The following INPP4B variants were observed in gnomAD, a reference collection of about 807,000 sequenced individuals.
INPP4B encodes the protein inositol polyphosphate-4-phosphatase type II B.
A neutral mutation model predicts 122.5 loss-of-function variants in INPP4B; 55 were observed. That is an observed-to-expected ratio of 0.45 (90% confidence interval 0.36 to 0.56). INPP4B has a LOEUF of 0.56. Among genes scored for constraint, INPP4B ranks in the 20% least tolerant of loss-of-function variants. The pLI is 0.00. For missense variants in INPP4B, 1,000 were observed against 1,097.7 expected (o/e 0.91, Z 1.26); for synonymous variants, 403 against 388.7 (o/e 1.04, Z -0.43).
chr4:142,587,498 T>C (rs772179715), intron 2 of INPP4B, among the ~76,000 whole-genome samples: 34 of 152,280 alleles, frequency 2.2e-4, no homozygotes, highest in Non-Finnish European at 3.8e-4. Context: ...TTGTGAATGC[T>C]ACAAAACATT....
intron 25 of INPP4B, among the ~76,000 whole-genome samples, chr4:142,050,116 A>C (rs1036742781): frequency 1.3e-5 from 2 of 151,990 alleles, no homozygotes; most frequent in Non-Finnish European, 2.9e-5. Flanking sequence ...TGGCTCAAAT[A>C]GTTTTATTTT....
intron 1 of INPP4B, among the ~76,000 whole-genome samples, chr4:142,841,245 A>T (rs1296946774): frequency 6.6e-6 from 1 of 151,986 alleles, no homozygotes; most frequent in African/African-American, 2.4e-5. Flanking sequence ...ATCTCCATGC[A>T]CCTATAGGTT....
At chr4:142,225,246 T>G (rs2149759683) in intron 12 of INPP4B, among the ~76,000 whole-genome samples, 1 of 152,250 alleles carries the variant, frequency 6.6e-6, no homozygotes, top group South Asian at 2.1e-4. Context: ...TCAATTTCTT[T>G]GGCTTTTGAC....
intron 12 of INPP4B, among the ~76,000 whole-genome samples, chr4:142,211,405 T>G (rs1382308775): frequency 6.6e-6 from 1 of 152,156 alleles, no homozygotes; most frequent in East Asian, 1.9e-4. Flanking sequence ...ACATTTTCAT[T>G]TGTCACTCAA....
chr4:142,067,365 ATGGG>A (rs1764119011), intron 25 of INPP4B, among the ~76,000 whole-genome samples: 1 of 152,188 alleles, frequency 6.6e-6, no homozygotes, highest in Admixed American at 6.5e-5. Context: ...AACCACAAAG[ATGGG>A]GATAAACCAG....
At chr4:142,464,202 T>A (rs1177122486) in intron 2 of INPP4B, among the ~76,000 whole-genome samples, 1 of 152,176 alleles carries the variant, frequency 6.6e-6, no homozygotes, top group Non-Finnish European at 1.5e-5. Flanking sequence ...TCAATATGTG[T>A]ATAAAAATGT....
At chr4:142,067,081 C>T (rs1455435139) in intron 25 of INPP4B, among the ~76,000 whole-genome samples, 1 of 152,134 alleles carries the variant, frequency 6.6e-6, no homozygotes, top group Admixed American at 6.5e-5. Context: ...CCAGTAGGGG[C>T]CCACTGACAC....
At chr4:142,524,476 T>C (rs1490035618) in intron 2 of INPP4B, among the ~76,000 whole-genome samples, 1 of 152,102 alleles carries the variant, frequency 6.6e-6, no homozygotes, top group African/African-American at 2.4e-5. Context: ...TGTCTGTTCA[T>C]GTCCTTTGCC....
chr4:142,654,227 A>T (rs1320141821), intron 2 of INPP4B, among the ~76,000 whole-genome samples: 3 of 151,962 alleles, frequency 2.0e-5, no homozygotes, highest in Non-Finnish European at 4.4e-5. Context: ...GTTAGTGGGT[A>T]GGGGGCTCGG....
Position 142,029,193 on chromosome 4 carries a change from C to T in INPP4B, c.2643-279G>A, listed in dbSNP as rs943407522. 4.6e-6 allele frequency: 5 copies of T among 1,090,770 alleles called. No individual in the cohort carries two copies. In the African/African-American group the frequency reaches 8.2e-5, roughly 18 times the overall value. The allele number at this position is 1,090,770 out of a possible 1,614,324, so 67.6% of individuals were successfully genotyped here. The stretch of plus-strand genomic sequence containing the variant: ...ATATAATTTGCTCCACAATACAGCT[C>T]CACTTTAGTTTCATAAATATATCTG... On this transcript the variant is annotated intron_variant, in intron 25 of 25. Transcript: ENST00000262992.
chr4:142,540,530 C>G (rs1828817060), intron 2 of INPP4B, among the ~76,000 whole-genome samples: 1 of 152,066 alleles, frequency 6.6e-6, no homozygotes. Flanking sequence ...TCTCTGTTTT[C>G]TCCAACTATT....
At chr4:142,108,230 C>CCAAAT (rs764483996) in intron 22 of INPP4B, 40 bp from the exon 23 acceptor site, 1 of 1,082,516 alleles carries the variant, frequency 9.2e-7, no homozygotes, top group South Asian at 1.3e-5. Flanking sequence ...GGTTATAAAA[C>CCAAAT]GGTACCAAAA....
At chr4:142,040,495 C>T (rs1301342045) in intron 25 of INPP4B, among the ~76,000 whole-genome samples, 1 of 152,150 alleles carries the variant, frequency 6.6e-6, no homozygotes, top group African/African-American at 2.4e-5. Context: ...TTTCCACCCA[C>T]TTTGCTAGAT....
At chr4:142,835,282 T>C (rs749129697) in intron 1 of INPP4B, among the ~76,000 whole-genome samples, 3 of 152,184 alleles carry the variant, frequency 2.0e-5, no homozygotes, top group Non-Finnish European at 4.4e-5. Context: ...CTAGGAGATG[T>C]AGGGCCCACT....
chr4:142,236,684 T>G (rs1286240656), intron 12 of INPP4B, among the ~76,000 whole-genome samples: 1 of 152,216 alleles, frequency 6.6e-6, no homozygotes, highest in Non-Finnish European at 1.5e-5. Flanking sequence ...GTTTTCATAT[T>G]TCTGCAGTCA....
chr4:142,351,509 TG>T (rs1781927059), intron 7 of INPP4B, among the ~76,000 whole-genome samples: 1 of 152,020 alleles, frequency 6.6e-6, no homozygotes, highest in Non-Finnish European at 1.5e-5. Flanking sequence ...AAAGCATTTT[TG>T]TCCCCATTTC....
At chr4:142,183,547 C>A (rs1178460011) in intron 15 of INPP4B, among the ~76,000 whole-genome samples, 1 of 94,008 alleles carries the variant, frequency 1.1e-5, no homozygotes, top group Non-Finnish European at 2.1e-5. Flanking sequence ...TTGTAGATGA[C>A]TGGCAATTTA....
intron 7 of INPP4B, among the ~76,000 whole-genome samples, chr4:142,331,849 C>T (rs114153963): frequency 3.2e-4 from 42 of 129,902 alleles, no homozygotes; most frequent in Admixed American, 6.1e-4. Flanking sequence ...TTACAGGCCA[C>T]AGATCATATT....
chr4:142,366,955 A>C (rs1027251964), intron 7 of INPP4B, among the ~76,000 whole-genome samples: 16 of 152,150 alleles, frequency 1.1e-4, no homozygotes, highest in South Asian at 4.1e-4. Context: ...CAAAGGATGC[A>C]AGAAGTGCTA....
Sources: gnomAD v4.1 joint callset for allele counts (sites outside exome capture counted in the v4.1 genomes callset) on GRCh38, gnomAD v4.1.1 for gene constraint, MANE v1.5 for transcripts, NCBI Gene and HGNC (gene_info 2026-07-23, HGNC 2026-07-21) for gene names.